The following GABRG1 variants were observed in gnomAD, a reference collection of about 807,000 sequenced individuals.
GABRG1 encodes the protein gamma-aminobutyric acid type A receptor subunit gamma1, also known as gamma-aminobutyric acid receptor subunit gamma-1.
Under a neutral mutation model 49.8 loss-of-function variants are expected in GABRG1, and 49 were observed. The ratio of observed to expected loss-of-function variants is 0.98; its 90% CI spans 0.78 to 1.25. GABRG1 has a LOEUF of 1.25. Among genes scored for constraint, GABRG1 ranks in the 50% most tolerant of loss-of-function variants. The probability of loss-of-function intolerance (pLI) is 0.00; values close to 1 mark genes in which losing one functional copy is unlikely to be tolerated. For missense variants in GABRG1, 552 were observed against 552.3 expected (o/e 1.00, Z 0.01); for synonymous variants, 232 against 185.1 (o/e 1.25, Z -2.06).
rs139509268 is a variant in GABRG1, at chr4:46,104,127, T to C, written c.105-6778A>G. On this transcript the variant is annotated intron_variant, in intron 1 of 8. Transcript: ENST00000295452. ...AAGCTACTTAGTGCCAAAAATTTCA[T>C]ATAATTATTATATTCACATGTGAAA... Among the ~76,000 whole-genome samples, 312 of 151,520 alleles carry C rather than the reference T, an allele frequency of 2.1e-3. 3 individuals carry two copies. Among genetic ancestry groups the C allele is most frequent in the Admixed American group, 0.017 (260 of 15,140 alleles).
intron 2 of GABRG1, among the ~76,000 whole-genome samples, chr4:46,088,005 C>T (rs1055390342): frequency 6.6e-6 from 1 of 151,984 alleles, no homozygotes; most frequent in Non-Finnish European, 1.5e-5. Flanking sequence ...TATTTCTTAA[C>T]CACACTAATC....
chr4:46,116,063 C>G (rs887205243), intron 1 of GABRG1, among the ~76,000 whole-genome samples: 6 of 150,682 alleles, frequency 4.0e-5, no homozygotes, highest in African/African-American at 1.5e-4. Flanking sequence ...AACAGTATAG[C>G]TTGCCAACTT....
chr4:46,105,081 G>A (rs376268776), intron 1 of GABRG1, among the ~76,000 whole-genome samples: 1 of 151,450 alleles, frequency 6.6e-6, no homozygotes, highest in African/African-American at 2.4e-5. Flanking sequence ...AAGTAGCAAG[G>A]AGATAGAAAA....
rs561859776 is a variant in GABRG1, at chr4:46,103,938, C to T, written c.105-6589G>A. Among the ~76,000 whole-genome samples the T allele has an allele frequency of 4.6e-5, 7 of 151,394 alleles. No homozygotes were observed. In the East Asian group the frequency reaches 1.2e-3, roughly 25 times the overall value. ...GCCAAATTCAAGTTATGATTAGCTG[C>T]ATGTAATCTCTACCAAAGTTCTATA... On this transcript the variant is annotated intron_variant, in intron 1 of 8. Transcript: ENST00000295452.
At chr4:46,084,261 A>C (rs1719673237) in intron 2 of GABRG1, among the ~76,000 whole-genome samples, 1 of 151,718 alleles carries the variant, frequency 6.6e-6, no homozygotes, top group Non-Finnish European at 1.5e-5. Context: ...ATAGAGATAA[A>C]GCACATGAGA....
intron 3 of GABRG1, among the ~76,000 whole-genome samples, chr4:46,074,972 T>A (rs1719270369): frequency 6.6e-6 from 1 of 151,962 alleles, no homozygotes. Context: ...ACTTATACAC[T>A]CTTATTGGCG....
chr4:46,051,444 T>A lies in GABRG1; in HGVS notation c.1111A>T (p.Lys371Ter). The change falls in exon 8 of 9, where the codon AAG becomes TAG. Residue 371 changes from lysine (K) to a stop codon, truncating the protein, a stop_gained. Transcript: ENST00000295452. LOFTEE classifies it high-confidence loss of function. ...QKGKTATKDR[K>*]LKNKASMTPG... Reference sequence around the variant, plus strand: ...CATACCGAGGCTTTATTTTTTAGCTTTCTGTCTTTAGTAGCAGTCTTTCCT... The same window carrying A: ...CATACCGAGGCTTTATTTTTTAGCTATCTGTCTTTAGTAGCAGTCTTTCCT... 1 of 1,607,100 alleles carries A rather than the reference T, an allele frequency of 6.2e-7. No individual in the cohort carries two copies. The highest frequency in any genetic ancestry group is 8.5e-7 in the Non-Finnish European group (1 of 1,177,092).
At chr4:46,041,603 C>CT (rs1228852863) in intron 8 of GABRG1, among the ~76,000 whole-genome samples, 4 of 151,738 alleles carry the variant, frequency 2.6e-5, no homozygotes, top group Admixed American at 6.6e-5. Context: ...CTATACACAT[C>CT]TTTTTTTGCT....
At chr4:46,119,040 A>G (rs183373756) in intron 1 of GABRG1, among the ~76,000 whole-genome samples, 34 of 151,394 alleles carry the variant, frequency 2.2e-4, no homozygotes, top group Admixed American at 1.9e-3. Context: ...TAAGATAACC[A>G]TTCAATTCCT....
At chr4:46,062,137 T>A (rs998950679) in intron 5 of GABRG1, among the ~76,000 whole-genome samples, 2 of 151,260 alleles carry the variant, frequency 1.3e-5, no homozygotes, top group African/African-American at 4.9e-5. Context: ...TTTGGTTTTT[T>A]GTCCTTGTGA....
rs1718446320 is a variant in GABRG1, at chr4:46,056,289, T to G, written c.916+1928A>C. 2.0e-5 allele frequency among the ~76,000 whole-genome samples: 3 copies of G among 152,058 alleles called. No homozygotes were observed. In the South Asian group the frequency reaches 6.2e-4, roughly 32 times the overall value. ...CTCCAAATTTATTTTCTGTGACTAT[T>G]CATTCAGCTCCAACCACATTTGTCA... On this transcript the variant is annotated intron_variant, in intron 7 of 8. Coordinates refer to ENST00000295452, the MANE Select transcript of GABRG1 (RefSeq NM_173536.4).
intron 2 of GABRG1, among the ~76,000 whole-genome samples, chr4:46,091,628 G>A (rs1719992721): frequency 6.6e-6 from 1 of 151,990 alleles, no homozygotes; most frequent in Admixed American, 6.6e-5. Context: ...CGGGAAATTA[G>A]GTCGGTAATA....
chr4:46,064,565 TTTGAAGCATTAAAAA>T, intron 4 of GABRG1, 42 bp from the exon 5 acceptor site: 1 of 1,039,202 alleles, frequency 9.6e-7, no homozygotes, highest in Non-Finnish European at 1.4e-6. Context: ...AGATAAATAA[TTTGAAGCATTAAAAA>T]TCTCCTGTCT....
intron 8 of GABRG1, among the ~76,000 whole-genome samples, chr4:46,045,719 C>T (rs1289998514): frequency 6.6e-6 from 1 of 151,676 alleles, no homozygotes; most frequent in East Asian, 1.9e-4. Context: ...TTAAAATTAA[C>T]CAAGTGCCTG....
In GABRG1 at chr4:46,038,316, A is replaced by C. The variant is rs1717612046; in HGVS notation, c.*2672T>G. The C allele has an allele frequency of 6.6e-6, 1 of 151,614 alleles. No individual in the cohort carries two copies. The highest frequency in any genetic ancestry group is 6.6e-5 in the Admixed American group (1 of 15,152). 9.4% of individuals were successfully genotyped at this position (151,614 alleles called of 1,614,324 possible). A position where few individuals can be genotyped will look rare whatever the true frequency, so the allele number is the denominator to read the frequency against. ...ATTACCCTGTCATTGTAAATCCAAA[A>C]TCACATTTTCCCCTCTCAGAATTTC... On this transcript the variant is annotated 3_prime_UTR_variant, in exon 9 of 9. Coordinates refer to ENST00000295452, the MANE Select transcript of GABRG1 (RefSeq NM_173536.4).
At chr4:46,116,822 G>A (rs1577672949) in intron 1 of GABRG1, among the ~76,000 whole-genome samples, 1 of 150,700 alleles carries the variant, frequency 6.6e-6, no homozygotes, top group Non-Finnish European at 1.5e-5. Flanking sequence ...TAACAAATTA[G>A]TTTATAAAAT....
At chr4:46,052,894 A>T (rs1038982700) in intron 7 of GABRG1, among the ~76,000 whole-genome samples, 10 of 151,896 alleles carry the variant, frequency 6.6e-5, no homozygotes, top group African/African-American at 2.4e-4. Flanking sequence ...TTCTACTCAC[A>T]AACCTGTCAT....
chr4:46,052,263 A>G (rs1718256313), intron 7 of GABRG1, among the ~76,000 whole-genome samples: 1 of 150,350 alleles, frequency 6.7e-6, no homozygotes, highest in Admixed American at 6.7e-5. Flanking sequence ...CCTAGACTTC[A>G]CATAAGCAAC....
chr4:46,040,967 T>C lies in GABRG1; in HGVS notation c.*21A>G, dbSNP rs190223177. The C allele has an allele frequency of 6.3e-7, 1 of 1,593,698 alleles. No homozygotes were observed. Among genetic ancestry groups the C allele is most frequent in the African/African-American group, 1.4e-5 (1 of 73,862 alleles). ...CTGAATTTAGTCAGACTTCTTTTGATTTTTGCTTATGAAGTAGATTTTATA... is the reference window on the plus strand; with the variant it reads ...CTGAATTTAGTCAGACTTCTTTTGACTTTTGCTTATGAAGTAGATTTTATA... On this transcript the variant is annotated 3_prime_UTR_variant, in exon 9 of 9. Transcript: ENST00000295452.
Sources: allele counts gnomAD v4.1 joint callset (sites outside exome capture counted in the v4.1 genomes callset), GRCh38; gene constraint gnomAD v4.1.1; transcripts MANE v1.5; gene names NCBI Gene and HGNC (gene_info 2026-07-23, HGNC 2026-07-21).